The following ADGRL4 variants were observed in gnomAD, a reference collection of about 807,000 sequenced individuals.
ADGRL4 encodes EGF, latrophilin and seven transmembrane domain containing 1.
Under a neutral mutation model 74.8 loss-of-function variants are expected in ADGRL4, and 90 were observed. The observed-to-expected ratio is 1.20, with a 90% CI of 1.02 to 1.43. The LOEUF (loss-of-function observed/expected upper bound fraction) is 1.43, where lower values mean the gene tolerates loss of function less well. ADGRL4 is among the 40% of genes most tolerant of loss of function. The pLI is 0.00. For synonymous variants in ADGRL4, 311 were observed against 279.2 expected (o/e 1.11, Z -1.14); for missense variants, 881 against 814.3 (o/e 1.08, Z -1.00).
intron 2 of ADGRL4, among the ~76,000 whole-genome samples, chr1:78,971,185 C>T (rs1650159226): frequency 6.6e-6 from 1 of 152,138 alleles, no homozygotes; most frequent in Non-Finnish European, 1.5e-5. Flanking sequence ...CTGCTATTTT[C>T]CCCAAACAGC....
intron 2 of ADGRL4, among the ~76,000 whole-genome samples, chr1:78,979,088 C>T (rs1650349881): frequency 6.6e-6 from 1 of 151,934 alleles, no homozygotes; most frequent in African/African-American, 2.4e-5. Flanking sequence ...GATTCTCTCC[C>T]TAATGCGGCT....
intron 2 of ADGRL4, among the ~76,000 whole-genome samples, chr1:79,000,436 G>A (rs755275322): frequency 6.6e-6 from 1 of 152,174 alleles, no homozygotes; most frequent in Non-Finnish European, 1.5e-5. Context: ...TTTTAAAACT[G>A]TGGAACTAGT....
At chr1:78,918,172 T>C in intron 10 of ADGRL4, 122 bp from the exon 11 acceptor site, 1 of 698,592 alleles carries the variant, frequency 1.4e-6, no homozygotes, top group South Asian at 2.0e-5. Flanking sequence ...TGCCACTTTA[T>C]ATAATGATTA....
intron 7 of ADGRL4, among the ~76,000 whole-genome samples, chr1:78,928,276 G>T (rs1649160077): frequency 6.6e-6 from 1 of 151,500 alleles, no homozygotes; most frequent in African/African-American, 2.4e-5. Context: ...GTACCACAAA[G>T]AATCCTCCAA....
intron 2 of ADGRL4, among the ~76,000 whole-genome samples, chr1:78,966,568 T>C (rs1650061373): frequency 6.6e-6 from 1 of 152,136 alleles, no homozygotes; most frequent in Admixed American, 6.5e-5. Flanking sequence ...CCCTCATTGT[T>C]CCCAGGGGTC....
chr1:78,954,343 G>A (rs897391271), intron 2 of ADGRL4, among the ~76,000 whole-genome samples: 1 of 151,686 alleles, frequency 6.6e-6, no homozygotes, highest in African/African-American at 2.4e-5. Context: ...GAAATGTACT[G>A]AAAATTCACA....
chr1:78,955,292 T>C (rs1649805439), intron 2 of ADGRL4, among the ~76,000 whole-genome samples: 1 of 152,148 alleles, frequency 6.6e-6, no homozygotes, highest in Non-Finnish European at 1.5e-5. Flanking sequence ...TTAATTTTCT[T>C]GTAGATTTGC....
At chr1:78,962,488 C>T (rs1160834414) in intron 2 of ADGRL4, among the ~76,000 whole-genome samples, 1 of 152,084 alleles carries the variant, frequency 6.6e-6, no homozygotes, top group Non-Finnish European at 1.5e-5. Flanking sequence ...TCTATCCACA[C>T]GATTTCCCCC....
chr1:78,896,302 C>T (rs1232294601), intron 12 of ADGRL4, among the ~76,000 whole-genome samples: 1 of 152,084 alleles, frequency 6.6e-6, no homozygotes, highest in Non-Finnish European at 1.5e-5. Context: ...AATGCTAAGT[C>T]CCAAGACAGG....
chr1:78,924,869 G>A (rs1649079682), intron 8 of ADGRL4, among the ~76,000 whole-genome samples: 1 of 152,214 alleles, frequency 6.6e-6, no homozygotes, highest in Non-Finnish European at 1.5e-5. Flanking sequence ...CACAGCAGAA[G>A]ATGTGTGTAA....
intron 12 of ADGRL4, among the ~76,000 whole-genome samples, chr1:78,895,190 G>A (rs79589485): frequency 0.017 from 2,599 of 151,938 alleles, 91 homozygotes; most frequent in African/African-American, 0.06. Context: ...ATCAAAAGGC[G>A]TTATAGTTTC....
intron 12 of ADGRL4, among the ~76,000 whole-genome samples, chr1:78,900,538 T>G (rs75129451): frequency 6.6e-6 from 1 of 152,092 alleles, no homozygotes; most frequent in African/African-American, 2.4e-5. Flanking sequence ...TGCTGAATTG[T>G]TATCTTTAGT....
chr1:78,981,684 C>T (rs564418816), intron 2 of ADGRL4, among the ~76,000 whole-genome samples: 2 of 151,740 alleles, frequency 1.3e-5, no homozygotes, highest in Non-Finnish European at 2.9e-5. Context: ...TATGGTCTTA[C>T]AGAAATAAAT....
At chr1:78,897,736 A>G (rs918112899) in intron 12 of ADGRL4, among the ~76,000 whole-genome samples, 2 of 152,158 alleles carry the variant, frequency 1.3e-5, no homozygotes, top group Admixed American at 6.6e-5. Context: ...TTCCTGAATG[A>G]TATGATCCAA....
intron 2 of ADGRL4, among the ~76,000 whole-genome samples, chr1:79,002,021 A>C (rs1451239883): frequency 1.3e-5 from 2 of 152,104 alleles, no homozygotes; most frequent in African/African-American, 2.4e-5. Context: ...GATTTGTTTC[A>C]GTAACATATT....
At position 78,924,308 on chromosome 1, in the gene ADGRL4, C is replaced by A. The variant is rs567659181; in HGVS notation, c.1084-2522G>T. On this transcript the variant is annotated intron_variant, in intron 8 of 14. Transcript: ENST00000370742. ...GTGTATATGTATATTTATATAAAAT[C>A]TGATAATGCAAGAGCTTAAAAAATT... Among the ~76,000 whole-genome samples, 3 of 152,040 alleles carry A rather than the reference C, an allele frequency of 2.0e-5. No homozygotes were observed. The South Asian group carries it at 6.2e-4, about 31-fold the overall frequency.
At chr1:78,941,964 C>T (rs1649493686) in intron 3 of ADGRL4, among the ~76,000 whole-genome samples, 1 of 151,982 alleles carries the variant, frequency 6.6e-6, no homozygotes, top group Admixed American at 6.6e-5. Flanking sequence ...CTTTGGGAGG[C>T]CGAGGCGGGT....
intron 12 of ADGRL4, among the ~76,000 whole-genome samples, chr1:78,909,906 G>A (rs558142768): frequency 9.9e-4 from 151 of 151,824 alleles, no homozygotes; most frequent in African/African-American, 3.5e-3. Flanking sequence ...TTCTTCAATA[G>A]GAAAGTTGTT....
intron 3 of ADGRL4, among the ~76,000 whole-genome samples, chr1:78,944,986 A>G (rs1184640006): frequency 2.0e-5 from 3 of 151,700 alleles, no homozygotes; most frequent in African/African-American, 7.3e-5. Context: ...GCAACACGGT[A>G]AAACCCTGCC....
Sources: allele counts gnomAD v4.1 joint callset (sites outside exome capture counted in the v4.1 genomes callset), GRCh38; gene constraint gnomAD v4.1.1; transcripts MANE v1.5; gene names NCBI Gene and HGNC (gene_info 2026-07-23, HGNC 2026-07-21).